Variants in SERPINB9 observed in about 807,000 individuals in gnomAD.
SERPINB9 encodes serpin family B member 9.
SERPINB9 carries 20 observed loss-of-function variants against 27.2 expected under a neutral mutation model. The observed-to-expected ratio is 0.74, with a 90% CI of 0.52 to 1.07. The LOEUF (loss-of-function observed/expected upper bound fraction) is 1.07, where lower values mean the gene tolerates loss of function less well. Among genes scored for constraint, SERPINB9 ranks in the 50% least tolerant of loss-of-function variants. SERPINB9 has a pLI of 0.00. For synonymous variants in SERPINB9, 189 were observed against 180.0 expected, an observed-to-expected ratio of 1.05 and a Z score of -0.40; for missense variants, 476 against 460.1, an observed-to-expected ratio of 1.03 and a Z score of -0.32.
rs774957544 is a variant in SERPINB9 at position 2,890,560 on chromosome 6, C to CT, written c.733dup (p.Ser245LysfsTer5). ...GGCTGTGAGTTTCTCAAAAGTGAGACTTTTTTCCACCTGAAAGACCAGAAT... is the reference window on the plus strand; with the variant it reads ...GGCTGTGAGTTTCTCAAAAGTGAGACTTTTTTTCCACCTGAAAGACCAGAAT... On this transcript the variant is annotated frameshift_variant, in exon 7 of 7. Transcript: ENST00000380698. LOFTEE classifies it low-confidence loss of function (END_TRUNC). The surrounding 1 kb of genome is among the most constrained non-coding windows in gnomAD (Gnocchi z 6.2). 2 of 1,606,404 alleles carry CT rather than the reference C, an allele frequency of 1.2e-6. No homozygotes were observed. Among genetic ancestry groups the CT allele is most frequent in the East Asian group, 2.2e-5 (1 of 44,664 alleles).
At chr6:2,901,634 G>T (rs1288404076) in intron 1 of SERPINB9, among the ~76,000 whole-genome samples, 2 of 152,010 alleles carry the variant, frequency 1.3e-5, no homozygotes, top group East Asian at 3.9e-4. Flanking sequence ...CCCACCCCCA[G>T]GCTGCAGTTC....
At chr6:2,900,399 C>A (rs371157291) in intron 2 of SERPINB9, 45 bp downstream of exon 2, 7 of 1,597,434 alleles carry the variant, frequency 4.4e-6, no homozygotes, top group Non-Finnish European at 5.1e-6. Context: ...TGACAGAACA[C>A]GCAGCCCAGG....
chr6:2,897,863 A>G (rs549097190), intron 2 of SERPINB9, among the ~76,000 whole-genome samples: 21 of 152,324 alleles, frequency 1.4e-4, no homozygotes, highest in Admixed American at 2.6e-4. Context: ...ACTCTATATA[A>G]TTATTTTCAG....
intron 1 of SERPINB9, among the ~76,000 whole-genome samples, chr6:2,902,577 T>A (rs1372633481): frequency 6.6e-6 from 1 of 152,210 alleles, no homozygotes; most frequent in African/African-American, 2.4e-5. Context: ...TGGAGTGCAG[T>A]GGCGCAATCC....
At position 2,896,057 on chromosome 6, in the gene SERPINB9, A is replaced by C; in HGVS notation, c.302T>G (p.Leu101Arg). The C allele has an allele frequency of 6.2e-7, 1 of 1,612,826 alleles. No individual in the cohort carries two copies. Among genetic ancestry groups the C allele is most frequent in the Admixed American group, 1.7e-5 (1 of 59,578 alleles). ...TGTTCTATTGATTCAACTTACTGAG[A>C]GGAACTGACAAGTTTTCTCTCCAAA... is the stretch of plus-strand genomic sequence containing the variant. Reference protein sequence around the residue: ...RLFGEKTCQFLSTFKESCLQF... With the variant: ...RLFGEKTCQFRSTFKESCLQF... Residue 101 changes from leucine (L) to arginine (R), a missense_variant, in exon 3 of 7, where the codon CTC becomes CGC. By Grantham distance (102) the Leu-to-Arg change is moderately radical. Coordinates refer to ENST00000380698, the MANE Select transcript of SERPINB9 (RefSeq NM_004155.6).
At chr6:2,896,547 A>ATAT (rs1768006063) in intron 2 of SERPINB9, among the ~76,000 whole-genome samples, 1 of 152,352 alleles carries the variant, frequency 6.6e-6, no homozygotes, top group Admixed American at 6.5e-5. Context: ...GGAAACAAGG[A>ATAT]TATTACATGA....
intron 3 of SERPINB9, 43 bp from the exon 4 acceptor site, chr6:2,895,551 C>G (rs752059478): frequency 8.1e-7 from 1 of 1,227,094 alleles, no homozygotes; most frequent in Non-Finnish European, 1.2e-6. Flanking sequence ...TTGCTAAATA[C>G]AAATGTCAGC....
Position 2,888,055 on chromosome 6 carries a change from T to C in SERPINB9, c.*2108A>G, listed in dbSNP as rs966385630. The C allele has an allele frequency of 3.9e-5, 6 of 152,174 alleles. No homozygotes were observed. Among genetic ancestry groups the C allele is most frequent in the Non-Finnish European group, 8.8e-5 (6 of 68,022 alleles). 9.4% of individuals were successfully genotyped at this position (152,174 alleles called of 1,614,324 possible). On this transcript the variant is annotated 3_prime_UTR_variant, in exon 7 of 7. Transcript: ENST00000380698. ...TCTATCAAAGGGACTGGATGTCCCA[T>C]CTAGTTTGTACTTTAGTTTCTAGCT...
chr6:2,899,622 T>C (rs764288366), intron 2 of SERPINB9, among the ~76,000 whole-genome samples: 2 of 152,202 alleles, frequency 1.3e-5, no homozygotes, highest in Non-Finnish European at 2.9e-5. Context: ...TCCAAATATA[T>C]ATATCTTTTA....
chr6:2,901,691 G>T (rs1453245705), intron 1 of SERPINB9, among the ~76,000 whole-genome samples: 1 of 151,988 alleles, frequency 6.6e-6, no homozygotes, highest in Non-Finnish European at 1.5e-5. Flanking sequence ...GTGAGCCTGG[G>T]AGACCTCCCT....
In SERPINB9 at chr6:2,891,782, A is replaced by G; in HGVS notation, c.723+51T>C. On this transcript the variant is annotated intron_variant, in intron 6 of 6. Coordinates refer to ENST00000380698, the MANE Select transcript of SERPINB9 (RefSeq NM_004155.6). This position sits in a 1 kb window ranked among gnomAD's most constrained non-coding sequence, Gnocchi z 4.0. Reference sequence around the variant, plus strand: ...ATATGAGAGGTGGAAGTGGCACTCGAGTTCTGCCCGCAAAGGTGTCCCTGG... The same window carrying G: ...ATATGAGAGGTGGAAGTGGCACTCGGGTTCTGCCCGCAAAGGTGTCCCTGG... The G allele has an allele frequency of 6.5e-7, 1 of 1,538,168 alleles. No homozygotes were observed. Among genetic ancestry groups the G allele is most frequent in the Non-Finnish European group, 8.7e-7 (1 of 1,150,660 alleles).
chr6:2,902,136 A>C (rs1466172433), intron 1 of SERPINB9, among the ~76,000 whole-genome samples: 1 of 151,956 alleles, frequency 6.6e-6, no homozygotes, highest in Non-Finnish European at 1.5e-5. Flanking sequence ...GCCATCCTGA[A>C]CCCCTCCCAA....
At chr6:2,896,908 G>A (rs189851728) in intron 2 of SERPINB9, among the ~76,000 whole-genome samples, 5 of 151,994 alleles carry the variant, frequency 3.3e-5, no homozygotes, top group Admixed American at 3.3e-4. Context: ...TGGAGGCCAA[G>A]GCAGGAGGAT....
intron 2 of SERPINB9, 62 bp downstream of exon 2, chr6:2,900,382 A>G (rs1768156098): frequency 1.8e-5 from 28 of 1,574,650 alleles, no homozygotes; most frequent in Non-Finnish European, 2.3e-5. Flanking sequence ...TGTGAGTGTG[A>G]AGCTGGTGAC....
At position 2,889,017 on chromosome 6, in the gene SERPINB9, G is replaced by A. The variant is rs749352985; in HGVS notation, c.*1146C>T. On this transcript the variant is annotated 3_prime_UTR_variant, in exon 7 of 7. Coordinates refer to ENST00000380698, the MANE Select transcript of SERPINB9 (RefSeq NM_004155.6). ...TTGGAGGACTATCTAAGGATACAGA[G>A]ATTAATAAAAATAAAAGAACTACCA... 6.6e-6 allele frequency: 1 copy of A among 152,150 alleles called. No individual in the cohort carries two copies. Among genetic ancestry groups the A allele is most frequent in the Non-Finnish European group, 1.5e-5 (1 of 68,038 alleles). The allele number at this position is 152,150 out of a possible 1,614,324, so 9.4% of individuals were successfully genotyped here. A position where few individuals can be genotyped will look rare whatever the true frequency, so the allele number is the denominator to read the frequency against.
rs1427324365 is a variant in SERPINB9 at position 2,891,071 on chromosome 6, C to A, written c.724-501G>T. Among the ~76,000 whole-genome samples, 1 of 152,196 alleles carries A rather than the reference C, an allele frequency of 6.6e-6. No homozygotes were observed. Among genetic ancestry groups the A allele is most frequent in the African/African-American group, 2.4e-5 (1 of 41,452 alleles). On this transcript the variant is annotated intron_variant, in intron 6 of 6. Coordinates refer to ENST00000380698, the MANE Select transcript of SERPINB9 (RefSeq NM_004155.6). The surrounding 1 kb of genome is among the most constrained non-coding windows in gnomAD (Gnocchi z 4.0). The stretch of plus-strand genomic sequence containing the variant: ...GAGAGATTCTGCATAGTTTCCGGAG[C>A]ATAGTTTCAGGAAGGTGGGCAGAGG...
chr6:2,895,939 A>AT (rs1379904011), intron 3 of SERPINB9, 114 bp downstream of exon 3: 16 of 1,219,312 alleles, frequency 1.3e-5, no homozygotes, highest in South Asian at 1.7e-5. Context: ...AAATAGTGCA[A>AT]TTTTTTTAAA....
intron 4 of SERPINB9, 60 bp from the exon 5 acceptor site, chr6:2,893,613 T>C: frequency 7.0e-7 from 1 of 1,420,490 alleles, no homozygotes; most frequent in East Asian, 2.4e-5. Flanking sequence ...ATGCATTGGA[T>C]GATCCTGGAT....
chr6:2,899,327 A>G (rs1054767266), intron 2 of SERPINB9, among the ~76,000 whole-genome samples: 2 of 152,192 alleles, frequency 1.3e-5, no homozygotes, highest in African/African-American at 2.4e-5. Flanking sequence ...TGAATGCCTG[A>G]TAACACAACT....
Sources: gnomAD v4.1 joint callset for allele counts (sites outside exome capture counted in the v4.1 genomes callset) on GRCh38, gnomAD v4.1.1 for gene constraint, Gnocchi (gnomAD v3.1) non-coding constraint, MANE v1.5 for transcripts, NCBI Gene and HGNC (gene_info 2026-07-23, HGNC 2026-07-21) for gene names.